TCF12: variants seen among roughly 807,000 people sequenced by gnomAD.
The protein encoded by TCF12 is DNA-binding protein HTF4.
A neutral mutation model predicts 86.0 loss-of-function variants in TCF12; 45 were observed. The observed-to-expected ratio is 0.52, with a 90% CI of 0.41 to 0.67. The LOEUF is 0.67. TCF12 is among the 30% of genes least tolerant of loss of function. TCF12 has a pLI of 0.00. For missense variants in TCF12, 881 were observed against 859.9 expected, an observed-to-expected ratio of 1.02 and a Z score of -0.31; for synonymous variants, 330 against 299.6, an observed-to-expected ratio of 1.10 and a Z score of -1.05.
At chr15:57,055,101 A>G (rs1684470410) in intron 3 of TCF12, among the ~76,000 whole-genome samples, 1 of 151,982 alleles carries the variant, frequency 6.6e-6, no homozygotes, top group African/African-American at 2.4e-5. Context: ...TCCTCTGATA[A>G]CATTATCCTT....
intron 3 of TCF12, among the ~76,000 whole-genome samples, chr15:57,007,916 CTTTCTTTG>C (rs1178157324): frequency 3.0e-5 from 3 of 101,440 alleles, no homozygotes; most frequent in African/African-American, 1.1e-4. Flanking sequence ...CTTCCTTCCT[CTTTCTTTG>C]TTTCTTTGTT....
chr15:57,114,625 T>A (rs2050717768), intron 5 of TCF12, among the ~76,000 whole-genome samples: 1 of 152,012 alleles, frequency 6.6e-6, no homozygotes, highest in South Asian at 2.1e-4. Flanking sequence ...CAGTTAAGAT[T>A]TTAAGTGGAG....
intron 5 of TCF12, among the ~76,000 whole-genome samples, chr15:57,122,183 A>C (rs1596644181): frequency 6.9e-6 from 1 of 144,022 alleles, no homozygotes; most frequent in Non-Finnish European, 1.5e-5. Flanking sequence ...GTCTTGCTTG[A>C]TTTTTTTTTT....
At chr15:57,022,135 G>A (rs143602145) in intron 3 of TCF12, among the ~76,000 whole-genome samples, 13 of 152,058 alleles carry the variant, frequency 8.5e-5, no homozygotes, top group African/African-American at 1.9e-4. Context: ...TGATACACAG[G>A]TATACATGTG....
intron 3 of TCF12, among the ~76,000 whole-genome samples, chr15:56,989,194 C>T (rs2063330825): frequency 6.6e-6 from 1 of 152,016 alleles, no homozygotes; most frequent in African/African-American, 2.4e-5. Context: ...TAGATTTTAA[C>T]ATTAGAAAAA....
intron 8 of TCF12, among the ~76,000 whole-genome samples, chr15:57,223,058 G>T (rs2058677531): frequency 1.3e-5 from 2 of 151,878 alleles, no homozygotes; most frequent in Admixed American, 6.6e-5. Context: ...AAACTAATTT[G>T]ATTGTAAGGG....
intron 5 of TCF12, among the ~76,000 whole-genome samples, chr15:57,116,715 G>A (rs2050863672): frequency 6.6e-6 from 1 of 152,082 alleles, no homozygotes; most frequent in Non-Finnish European, 1.5e-5. Context: ...TGATATATGA[G>A]AGCTATAAGA....
chr15:57,259,537 C>T (rs2060491184), intron 16 of TCF12, among the ~76,000 whole-genome samples: 1 of 152,202 alleles, frequency 6.6e-6, no homozygotes, highest in Non-Finnish European at 1.5e-5. Context: ...AAACAAGTCC[C>T]TTGTTGGGTG....
chr15:57,219,693 T>A, intron 8 of TCF12: 1 of 1,071,240 alleles, frequency 9.3e-7, no homozygotes. Flanking sequence ...TTTTATCCTT[T>A]TATGCAATGT....
intron 3 of TCF12, among the ~76,000 whole-genome samples, chr15:57,057,059 C>T (rs141266209): frequency 3.3e-5 from 5 of 152,208 alleles, no homozygotes; most frequent in African/African-American, 4.8e-5. Flanking sequence ...TTTTAGTGAG[C>T]CATTTGCTTT....
intron 3 of TCF12, among the ~76,000 whole-genome samples, chr15:57,007,865 C>CTCT: frequency 8.4e-5 from 1 of 11,964 alleles, no homozygotes; most frequent in Non-Finnish European, 2.3e-4. Context: ...TTCCTTCCTT[C>CTCT]CTTCCTTCCT....
At chr15:57,283,207 CTGTTCT>C (rs1388399163) in intron 20 of TCF12, among the ~76,000 whole-genome samples, 1 of 151,840 alleles carries the variant, frequency 6.6e-6, no homozygotes, top group Admixed American at 6.6e-5. Flanking sequence ...TGTTCAAAGA[CTGTTCT>C]TTATATCTTC....
At chr15:57,107,899 C>A (rs1406535502) in intron 5 of TCF12, among the ~76,000 whole-genome samples, 4 of 151,936 alleles carry the variant, frequency 2.6e-5, no homozygotes, top group African/African-American at 9.7e-5. Flanking sequence ...AGAGTGAGGC[C>A]CTGTCTCAAA....
At chr15:56,991,516 G>A (rs1486599871) in intron 3 of TCF12, among the ~76,000 whole-genome samples, 1 of 152,158 alleles carries the variant, frequency 6.6e-6, no homozygotes, top group Non-Finnish European at 1.5e-5. Context: ...TGACAGTAAA[G>A]TTTGGACCTA....
rs1301840242 is a variant in TCF12 at position 57,239,576 on chromosome 15, A to G, written c.1036-3896A>G. 2.6e-5 allele frequency among the ~76,000 whole-genome samples: 4 copies of G among 151,994 alleles called. No individual in the cohort carries two copies. In the East Asian group the frequency reaches 7.7e-4, roughly 29 times the overall value. The stretch of plus-strand genomic sequence containing the variant: ...TCAGGGCAATTATGTATAGGATGGA[A>G]AGAGAGGGGAGTAACTAGAAATATA... On this transcript the variant is annotated intron_variant, in intron 12 of 20. Coordinates refer to ENST00000333725, the MANE Select transcript of TCF12 (RefSeq NM_207037.2).
At chr15:57,195,008 G>A (rs1566897088) in intron 7 of TCF12, among the ~76,000 whole-genome samples, 1 of 152,060 alleles carries the variant, frequency 6.6e-6, no homozygotes, top group East Asian at 1.9e-4. Context: ...GCTCAAGCGA[G>A]TCTCCTGCCT....
At chr15:57,055,185 C>A (rs532295796) in intron 3 of TCF12, among the ~76,000 whole-genome samples, 20 of 151,912 alleles carry the variant, frequency 1.3e-4, no homozygotes, top group Non-Finnish European at 2.4e-4. Flanking sequence ...CGAATCAAGC[C>A]GGGGTCAGGA....
intron 8 of TCF12, among the ~76,000 whole-genome samples, chr15:57,206,849 G>C (rs1454676679): frequency 6.6e-6 from 1 of 151,106 alleles, no homozygotes; most frequent in East Asian, 1.9e-4. Context: ...CCAGCAGTTT[G>C]GGAGGCCAAG....
At chr15:57,090,367 A>G (rs541944292) in intron 4 of TCF12, among the ~76,000 whole-genome samples, 2 of 152,328 alleles carry the variant, frequency 1.3e-5, no homozygotes, top group East Asian at 1.9e-4. Context: ...ACTTGTGGTC[A>G]TAAGTTGTGA....
Sources: gnomAD v4.1 joint callset for allele counts (sites outside exome capture counted in the v4.1 genomes callset) on GRCh38, gnomAD v4.1.1 for gene constraint, MANE v1.5 for transcripts, NCBI Gene and HGNC (gene_info 2026-07-23, HGNC 2026-07-21) for gene names.